RUFY1: variants seen among roughly 807,000 people sequenced by gnomAD.
RUFY1 encodes the protein RUN and FYVE domain containing 1.
In RUFY1, 54 loss-of-function variants were observed where a neutral mutation model predicts 94.6. The ratio of observed to expected loss-of-function variants is 0.57; its 90% CI spans 0.46 to 0.72. The LOEUF is 0.72. Among genes scored for constraint, RUFY1 ranks in the 30% least tolerant of loss-of-function variants. The pLI is 0.00. For missense variants in RUFY1, 883 were observed against 883.9 expected (o/e 1.00, Z 0.01); for synonymous variants, 396 against 347.3 (o/e 1.14, Z -1.56).
At chr5:179,555,088 A>C (rs1475602707) in intron 1 of RUFY1, among the ~76,000 whole-genome samples, 1 of 152,200 alleles carries the variant, frequency 6.6e-6, no homozygotes, top group African/African-American at 2.4e-5. Flanking sequence ...GGCTGTTTTC[A>C]CGCAAGCAAT....
rs1165959299 is a variant in RUFY1, at chr5:179,593,320, C to T, written c.1246-158C>T. On this transcript the variant is annotated intron_variant, in intron 10 of 17. Coordinates refer to ENST00000319449, the MANE Select transcript of RUFY1 (RefSeq NM_025158.5). ...CTCGAACTCCTGGCCTCAAGTGATC[C>T]GCCCACCTCAGCCTCCCAAAGTGCT... Among the ~76,000 whole-genome samples the T allele has an allele frequency of 5.9e-5, 9 of 151,932 alleles. No homozygotes were observed. The East Asian group carries it at 1.2e-3, about 20-fold the overall frequency.
intron 1 of RUFY1, 128 bp from the exon 2 acceptor site, chr5:179,559,897 C>T: frequency 2.1e-6 from 3 of 1,434,586 alleles, no homozygotes; most frequent in South Asian, 3.0e-5. Context: ...GTTGCCCGCC[C>T]GCCAGCACGT....
chr5:179,560,825 A>T (rs1247057883), intron 2 of RUFY1, among the ~76,000 whole-genome samples: 1 of 152,166 alleles, frequency 6.6e-6, no homozygotes, highest in East Asian at 1.9e-4. Context: ...AAGTTAACCT[A>T]ATTTGCTAAA....
chr5:179,552,501 G>C (rs936088015), intron 1 of RUFY1, among the ~76,000 whole-genome samples: 1 of 152,170 alleles, frequency 6.6e-6, no homozygotes, highest in African/African-American at 2.4e-5. Context: ...TCCTGGCAGT[G>C]GAAAATAGCA....
intron 15 of RUFY1, among the ~76,000 whole-genome samples, chr5:179,604,500 C>T (rs1319336371): frequency 2.6e-5 from 4 of 152,144 alleles, no homozygotes; most frequent in Non-Finnish European, 5.9e-5. Context: ...TTTCTGCAGC[C>T]GGACCAGGAA....
Position 179,567,592 on chromosome 5 carries a change from T to C in RUFY1, c.704+30T>C, listed in dbSNP as rs764322585. On this transcript the variant is annotated intron_variant, in intron 4 of 17. Coordinates refer to ENST00000319449, the MANE Select transcript of RUFY1 (RefSeq NM_025158.5). The stretch of plus-strand genomic sequence containing the variant: ...TTCATCAACCATGTTTGCTTATCTT[T>C]TGCTTGGTAAATAATTAGAACATAG... 10 of 1,508,988 alleles carry C rather than the reference T, an allele frequency of 6.6e-6. No individual in the cohort carries two copies. The South Asian group carries it at 1.1e-4, about 17-fold the overall frequency. 93.5% of individuals were successfully genotyped at this position (1,508,988 alleles called of 1,614,324 possible). A position where few individuals can be genotyped will look rare whatever the true frequency, so the allele number is the denominator to read the frequency against.
Position 179,609,661 on chromosome 5 carries a change from C to A in RUFY1, c.*142C>A. 2.6e-6 allele frequency: 2 copies of A among 779,820 alleles called. No individual in the cohort carries two copies. Among genetic ancestry groups the A allele is most frequent in the Non-Finnish European group, 1.9e-6 (1 of 522,204 alleles). The allele number at this position is 779,820 out of a possible 1,614,324, so 48.3% of individuals were successfully genotyped here. On this transcript the variant is annotated 3_prime_UTR_variant, in exon 18 of 18. Transcript: ENST00000319449. ...CGGTCACTGGCACTCCAGAAGACAG[C>A]GTGCCGGAACCGGCAGCTCTCACCT... is the stretch of plus-strand genomic sequence containing the variant.
At chr5:179,558,846 C>T (rs1032756643) in intron 1 of RUFY1, among the ~76,000 whole-genome samples, 1 of 152,154 alleles carries the variant, frequency 6.6e-6, no homozygotes, top group Non-Finnish European at 1.5e-5. Context: ...TATAAATATG[C>T]TCTTTAATTG....
intron 9 of RUFY1, among the ~76,000 whole-genome samples, chr5:179,589,870 A>G (rs1015910184): frequency 2.0e-5 from 3 of 152,172 alleles, no homozygotes; most frequent in East Asian, 1.9e-4. Flanking sequence ...TTGCATGCCA[A>G]AGTTCCTACT....
Position 179,609,709 on chromosome 5 carries a change from A to C in RUFY1, c.*190A>C. 1 of 537,774 alleles carries C rather than the reference A, an allele frequency of 1.9e-6. No homozygotes were observed. Among genetic ancestry groups the C allele is most frequent in the Non-Finnish European group, 3.2e-6 (1 of 310,074 alleles). 33.3% of individuals were successfully genotyped at this position (537,774 alleles called of 1,614,324 possible). ...CCTTTCTGTGACTTGTTCGGAATTA[A>C]CTCCTCTGGATGGAAACTTCCATCT... On this transcript the variant is annotated 3_prime_UTR_variant, in exon 18 of 18. Transcript: ENST00000319449.
chr5:179,583,060 T>C (rs576503504), intron 7 of RUFY1, among the ~76,000 whole-genome samples: 1 of 152,074 alleles, frequency 6.6e-6, no homozygotes, highest in African/African-American at 2.4e-5. Flanking sequence ...CCCAGCACTT[T>C]GGGAGGCCAA....
intron 14 of RUFY1, 57 bp from the exon 15 acceptor site, chr5:179,601,835 A>G: frequency 8.6e-7 from 1 of 1,168,978 alleles, no homozygotes; most frequent in Non-Finnish European, 1.2e-6. Context: ...AAAAAAAAAA[A>G]AAAAAAAAGG....
chr5:179,595,831 T>A (rs963923941), intron 12 of RUFY1: 5 of 152,764 alleles, frequency 3.3e-5, no homozygotes, highest in African/African-American at 1.2e-4. Context: ...ATTATAGGCA[T>A]GAGCCACCAC....
intron 6 of RUFY1, among the ~76,000 whole-genome samples, chr5:179,578,317 G>A (rs1300582012): frequency 1.3e-5 from 2 of 152,060 alleles, no homozygotes; most frequent in African/African-American, 2.4e-5. Flanking sequence ...CGGTTCAAGC[G>A]ATTCTTCTGC....
intron 1 of RUFY1, chr5:179,559,701 AC>A: frequency 9.5e-7 from 1 of 1,053,224 alleles, no homozygotes; most frequent in Non-Finnish European, 1.1e-6. Context: ...CAAAAATGGA[AC>A]CGGGGTTGCG....
rs1171067993 is a variant in RUFY1, at chr5:179,593,556, AC to A, written c.1327del (p.His443ThrfsTer7). 1 of 1,614,148 alleles carries A rather than the reference AC, an allele frequency of 6.2e-7. No homozygotes were observed. The highest frequency in any genetic ancestry group is 1.7e-5 in the Admixed American group (1 of 60,008). ...EIAMKLLEKD[T>X]HEKQDTLVAL... ...TGCAATGAAGTTACTGGAAAAGGACACCCACGAGAAGCAGGACACACTAGTT... is the reference window on the plus strand; with the variant it reads ...TGCAATGAAGTTACTGGAAAAGGACACCACGAGAAGCAGGACACACTAGTT... On this transcript the variant is annotated frameshift_variant, in exon 11 of 18. Coordinates refer to ENST00000319449, the MANE Select transcript of RUFY1 (RefSeq NM_025158.5). LOFTEE classifies it high-confidence loss of function.
At chr5:179,608,419 A>G (rs936958809) in intron 17 of RUFY1, 15 of 985,428 alleles carry the variant, frequency 1.5e-5, no homozygotes, top group East Asian at 1.1e-4. Flanking sequence ...TGTGTCTACA[A>G]GGCCTGGCTG....
At chr5:179,560,595 G>A (rs9329082) in intron 2 of RUFY1, among the ~76,000 whole-genome samples, 64,630 of 150,026 alleles carry the variant, frequency 0.43, 14,464 homozygotes, top group East Asian at 0.71. Flanking sequence ...GCGTGGTAGC[G>A]GGCGCCTGTA....
Position 179,569,784 on chromosome 5 carries a change from T to A in RUFY1, c.828+359T>A, listed in dbSNP as rs564689314. Among the ~76,000 whole-genome samples, 4 of 152,100 alleles carry A rather than the reference T, an allele frequency of 2.6e-5. No homozygotes were observed. In the South Asian group the frequency reaches 8.3e-4, roughly 32 times the overall value. ...TTTTGAGACGGAGTCTCGTTGTGTC[T>A]CCCAGGCTGGAGTGCAGTGGCGCGA... On this transcript the variant is annotated intron_variant, in intron 5 of 17. Transcript: ENST00000319449.
Sources: gnomAD v4.1 joint callset for allele counts (sites outside exome capture counted in the v4.1 genomes callset) on GRCh38, gnomAD v4.1.1 for gene constraint, MANE v1.5 for transcripts, NCBI Gene and HGNC (gene_info 2026-07-23, HGNC 2026-07-21) for gene names.